UBE2A: variants seen among roughly 807,000 people sequenced by gnomAD.
UBE2A encodes the protein ubiquitin conjugating enzyme E2 A.
For missense variants in UBE2A, 27 were observed against 125.8 expected, an observed-to-expected ratio of 0.21 and a Z score of 3.76; for synonymous variants, 39 against 41.1, an observed-to-expected ratio of 0.95 and a Z score of 0.20.
chrX:119,582,245 A>G (rs1283330034), intron 4 of UBE2A: 1 of 148,451 alleles, frequency 6.7e-6, no homozygotes, highest in East Asian at 1.8e-4. Context: ...GATAGGGGAT[A>G]CAGCCTACAA....
At chrX:119,577,226 A>G (rs1428999940) in intron 3 of UBE2A, among the ~76,000 whole-genome samples, 1 of 112,131 alleles carries the variant, frequency 8.9e-6, no homozygotes, top group Non-Finnish European at 1.9e-5. Context: ...CCCGGCGAGC[A>G]CTAGTTCTTT....
chrX:119,577,386 C>G (rs1448257984), intron 3 of UBE2A, among the ~76,000 whole-genome samples: 1 of 111,176 alleles, frequency 9.0e-6, no homozygotes, highest in Non-Finnish European at 1.9e-5. Context: ...GATTGGCTAC[C>G]TAAATATTTC....
At chrX:119,575,536 G>C (rs2053410788) in intron 3 of UBE2A, 136 bp downstream of exon 3, 1 of 788,477 alleles carries the variant, frequency 1.3e-6, no homozygotes, top group South Asian at 2.2e-5. Flanking sequence ...TGAGTGGAAT[G>C]CAGTGTGTGG....
chrX:119,583,060 G>T, intron 5 of UBE2A, 67 bp from the exon 6 acceptor site: 2 of 1,164,969 alleles, frequency 1.7e-6, no homozygotes. Flanking sequence ...ATTCAATTGA[G>T]TGTCACTACC....
In UBE2A at chrX:119,575,339, T is replaced by G. The variant is rs377327807; in HGVS notation, c.126-36T>G. The G allele has an allele frequency of 1.0e-4, 123 of 1,209,837 alleles. 2 individuals are homozygous for G. In the East Asian group the frequency reaches 1.7e-3, roughly 17 times the overall value. The stretch of plus-strand genomic sequence containing the variant: ...GATGAAGCAGGGAGAAGGGGGCCCC[T>G]TAAGTGGGAACTGACCATTTTTCTC... On this transcript the variant is annotated intron_variant, in intron 2 of 5. Coordinates refer to ENST00000371558, the MANE Select transcript of UBE2A (RefSeq NM_003336.4).
At chrX:119,575,100 T>C in intron 2 of UBE2A, 119 bp downstream of exon 2, 8 of 965,677 alleles carry the variant, frequency 8.3e-6, no homozygotes, top group Non-Finnish European at 1.2e-5. Context: ...TGGGTCTGGC[T>C]GGGCCTAGGC....
At chrX:119,581,016 A>C (rs1446818433) in intron 3 of UBE2A, 2 of 112,365 alleles carry the variant, frequency 1.8e-5, no homozygotes, top group Non-Finnish European at 3.7e-5. Context: ...ACCAGTATGA[A>C]CACTTTTATA....
intron 3 of UBE2A, chrX:119,580,823 C>T (rs1439371687): frequency 1.8e-5 from 2 of 111,659 alleles, no homozygotes; most frequent in African/African-American, 6.5e-5. Context: ...GCAATCTAAA[C>T]CAAATGTGAT....
At position 119,576,527 on chromosome X, in the gene UBE2A, A is replaced by T. The variant is rs775033576; in HGVS notation, c.151+1127A>T. Among the ~76,000 whole-genome samples, 5 of 109,727 alleles carry T rather than the reference A, an allele frequency of 4.6e-5. No individual in the cohort carries two copies. In the South Asian group the frequency reaches 1.1e-3, roughly 25 times the overall value. On this transcript the variant is annotated intron_variant, in intron 3 of 5. Transcript: ENST00000371558. ...TATACACACACACACACACACACACACTTCAGTTTGAAGGTGGGAACAAAA... is the reference window on the plus strand; with the variant it reads ...TATACACACACACACACACACACACTCTTCAGTTTGAAGGTGGGAACAAAA...
intron 3 of UBE2A, chrX:119,575,648 A>T (rs2053411752): frequency 2.6e-6 from 1 of 384,995 alleles, no homozygotes; most frequent in African/African-American, 2.5e-5. Flanking sequence ...AAAAGGAGCA[A>T]TCATAGCACT....
At chrX:119,580,770 G>C (rs2147379625) in intron 3 of UBE2A, 1 of 111,891 alleles carries the variant, frequency 8.9e-6, no homozygotes, top group South Asian at 3.7e-4. Context: ...CATTTCAATA[G>C]TAGCATAAAC....
At chrX:119,576,411 G>T (rs935105482) in intron 3 of UBE2A, among the ~76,000 whole-genome samples, 1 of 110,467 alleles carries the variant, frequency 9.1e-6, no homozygotes, top group Non-Finnish European at 1.9e-5. Flanking sequence ...TTGAACTCAT[G>T]AAATTCTTTA....
At chrX:119,577,635 C>CTT (rs11380086) in intron 3 of UBE2A, among the ~76,000 whole-genome samples, 17,645 of 56,616 alleles carry the variant, frequency 0.31, 2,904 homozygotes, top group East Asian at 0.42. Context: ...AAAATTTTAG[C>CTT]TTTTTTTTTT....
Position 119,574,709 on chromosome X carries a change from G to T in UBE2A, c.-3G>T, listed in dbSNP as rs754534822. 2.5e-6 allele frequency: 3 copies of T among 1,197,498 alleles called. No individual in the cohort carries two copies. The African/African-American group carries it at 5.2e-5, about 21-fold the overall frequency. On this transcript the variant is annotated 5_prime_UTR_variant, in exon 1 of 6. Coordinates refer to ENST00000371558, the MANE Select transcript of UBE2A (RefSeq NM_003336.4). ...ATGCCCCACCCCTGACCCCGCTCGC[G>T]ACATGTCCACCCCGGCTCGGCGGCG... is the stretch of plus-strand genomic sequence containing the variant.
At chrX:119,575,243 A>G in intron 2 of UBE2A, 132 bp from the exon 3 acceptor site, 5 of 960,747 alleles carry the variant, frequency 5.2e-6, no homozygotes, top group East Asian at 3.1e-5. Flanking sequence ...TGAGCCCGGG[A>G]CATCCATTTG....
At chrX:119,581,984 A>G (rs983688079) in intron 4 of UBE2A, among the ~76,000 whole-genome samples, 2 of 112,380 alleles carry the variant, frequency 1.8e-5, no homozygotes, top group African/African-American at 3.2e-5. Context: ...CATTTTAAAA[A>G]CACAGATGCC....
intron 3 of UBE2A, chrX:119,575,735 A>T (rs1007202602): frequency 3.0e-5 from 7 of 229,902 alleles, no homozygotes; most frequent in African/African-American, 2.0e-4. Flanking sequence ...TATAAACCCA[A>T]CCAGTTGCTG....
In UBE2A at chrX:119,574,960, T is replaced by G. The variant is rs753816581; in HGVS notation, c.104T>G (p.Val35Gly). 1.7e-6 allele frequency: 2 copies of G among 1,210,092 alleles called. No homozygotes were observed. The highest frequency in any genetic ancestry group is 3.5e-5 in the African/African-American group (2 of 57,233). Residue 35 changes from valine (V) to glycine (G), a missense_variant, in exon 2 of 6, where the codon GTG (valine) becomes GGG (glycine). Transcript: ENST00000371558. ...GCTCCGTCCGAGAACAACATAATGGTGTGGAACGCGGTCATTTTCGGGTGA... is the reference window on the plus strand; with the variant it reads ...GCTCCGTCCGAGAACAACATAATGGGGTGGAACGCGGTCATTTTCGGGTGA... ...SGAPSENNIM[V>G]WNAVIFGPEG... is the part of the protein sequence containing the mutation.
Position 119,582,616 on chromosome X carries a change from C to T in UBE2A, c.270C>T (p.Asp90=). ...NVYADGSICL[D]ILQNRWSPTY... Reference sequence around the variant, plus strand: ...ATGCAGATGGTAGTATATGTCTGGACATACTTCAGAACCGTTGGAGTCCAA... The same window carrying T: ...ATGCAGATGGTAGTATATGTCTGGATATACTTCAGAACCGTTGGAGTCCAA... Residue 90 remains aspartate, a synonymous_variant, in exon 5 of 6, where the codon GAC becomes GAT. Transcript: ENST00000371558. The T allele has an allele frequency of 3.3e-6, 4 of 1,209,321 alleles. No individual in the cohort carries two copies. Among genetic ancestry groups the T allele is most frequent in the Non-Finnish European group, 4.5e-6 (4 of 893,434 alleles).
Sources: gnomAD v4.1 joint callset for allele counts (sites outside exome capture counted in the v4.1 genomes callset) on GRCh38, gnomAD v4.1.1 for gene constraint, MANE v1.5 for transcripts, NCBI Gene and HGNC (gene_info 2026-07-23, HGNC 2026-07-21) for gene names.